The following KAZN variants were observed in gnomAD, a reference collection of about 807,000 sequenced individuals.
KAZN encodes the protein kazrin, periplakin interacting protein.
In KAZN, 40 loss-of-function variants were observed where a neutral mutation model predicts 87.4. That is an observed-to-expected ratio of 0.46 (90% CI 0.36 to 0.60). KAZN has a LOEUF of 0.60. KAZN is among the 20% of genes least tolerant of loss of function. The pLI is 0.00. For missense variants in KAZN, 898 were observed against 1,073.9 expected (o/e 0.84, Z 2.29); for synonymous variants, 466 against 458.3 (o/e 1.02, Z -0.22).
At chr1:14,733,503 T>G (rs117272201) in intron 1 of KAZN, among the ~76,000 whole-genome samples, 1,780 of 152,210 alleles carry the variant, frequency 0.012, 42 homozygotes, top group South Asian at 0.089. Flanking sequence ...TGCCGTAGGG[T>G]GGGACCTCCT....
intron 8 of KAZN, among the ~76,000 whole-genome samples, chr1:15,073,005 A>G (rs897653051): frequency 1.3e-5 from 2 of 152,182 alleles, no homozygotes. Flanking sequence ...TGTTCCATGG[A>G]ACCCCGAAGG....
chr1:14,935,164 T>C (rs1660304012), intron 1 of KAZN, among the ~76,000 whole-genome samples: 1 of 152,240 alleles, frequency 6.6e-6, no homozygotes, highest in Non-Finnish European at 1.5e-5. Flanking sequence ...CCTTGGGTTC[T>C]GGAGCAGTCA....
At chr1:14,186,775 T>C (rs547397404) in intron 2 of KAZN, among the ~76,000 whole-genome samples, 3 of 152,296 alleles carry the variant, frequency 2.0e-5, no homozygotes, top group African/African-American at 7.2e-5. Context: ...TTACTCTGCC[T>C]GCTGCATGCG....
intron 1 of KAZN, among the ~76,000 whole-genome samples, chr1:14,879,526 G>C (rs188243254): frequency 2.4e-4 from 37 of 152,264 alleles, no homozygotes; most frequent in African/African-American, 8.7e-4. Context: ...ACGGCCCTGG[G>C]TGATCTGTCA....
At chr1:14,727,033 G>C (rs549511450) in intron 1 of KAZN, among the ~76,000 whole-genome samples, 2 of 152,146 alleles carry the variant, frequency 1.3e-5, no homozygotes, top group Non-Finnish European at 2.9e-5. Context: ...TTTGACAAGT[G>C]CTCAGTGGAA....
At chr1:14,451,819 G>T (rs1396437485) in intron 2 of KAZN, among the ~76,000 whole-genome samples, 1 of 152,156 alleles carries the variant, frequency 6.6e-6, no homozygotes, top group East Asian at 1.9e-4. Context: ...GACCAGAGAA[G>T]GCTAATGTTC....
chr1:14,493,366 CT>C (rs1669781516), intron 2 of KAZN, among the ~76,000 whole-genome samples: 1 of 152,166 alleles, frequency 6.6e-6, no homozygotes, highest in Admixed American at 6.5e-5. Flanking sequence ...TACAGAATGA[CT>C]TGGACAAGGG....
At chr1:14,110,636 C>G (rs1431423803) in intron 1 of KAZN, among the ~76,000 whole-genome samples, 1 of 78,262 alleles carries the variant, frequency 1.3e-5, no homozygotes, top group Non-Finnish European at 2.6e-5. Flanking sequence ...AAACTTTTCT[C>G]CTTTGAAAAG....
upstream of KAZN, among the ~76,000 whole-genome samples, chr1:14,595,680 CAAAAAAA>C (rs34080804): frequency 4.1e-5 from 4 of 96,650 alleles, no homozygotes; most frequent in South Asian, 3.2e-4. Flanking sequence ...GACTGCGTCT[CAAAAAAA>C]AAAAAAAAAA....
chr1:14,092,251 C>T (rs1193748654), intron 1 of KAZN, among the ~76,000 whole-genome samples: 2 of 151,124 alleles, frequency 1.3e-5, no homozygotes, highest in East Asian at 3.9e-4. Context: ...CCACCACGCC[C>T]AGCTCATTTT....
At chr1:14,476,533 G>A (rs563539242) in intron 2 of KAZN, among the ~76,000 whole-genome samples, 2 of 152,142 alleles carry the variant, frequency 1.3e-5, no homozygotes, top group Admixed American at 6.5e-5. Context: ...TGAACTGCAT[G>A]CAGCCAAGAG....
chr1:14,349,182 TG>T (rs2100933594), intron 2 of KAZN: 1 of 152,292 alleles, frequency 6.6e-6, no homozygotes, highest in African/African-American at 2.4e-5. Flanking sequence ...ATAAGGATAC[TG>T]GAAAGGAGTC....
intron 2 of KAZN, among the ~76,000 whole-genome samples, chr1:14,239,455 CTTT>C (rs386366265): frequency 3.1e-5 from 3 of 95,700 alleles, no homozygotes; most frequent in East Asian, 3.4e-4. Flanking sequence ...AGTTGGGTTT[CTTT>C]TTTTTTTTTT....
At chr1:14,301,798 C>G (rs1286205276) in intron 2 of KAZN, among the ~76,000 whole-genome samples, 1 of 152,252 alleles carries the variant, frequency 6.6e-6, no homozygotes, top group Non-Finnish European at 1.5e-5. Flanking sequence ...CCTTTCCCTA[C>G]TGGCCCATTC....
intron 2 of KAZN, among the ~76,000 whole-genome samples, chr1:14,389,452 T>C (rs1662231660): frequency 6.6e-6 from 1 of 150,856 alleles, no homozygotes; most frequent in Admixed American, 6.6e-5. Flanking sequence ...GGAGGCAACC[T>C]ATATTCATCA....
chr1:14,745,552 G>A (rs1221687572), intron 1 of KAZN, among the ~76,000 whole-genome samples: 1 of 152,134 alleles, frequency 6.6e-6, no homozygotes, highest in Admixed American at 6.5e-5. Flanking sequence ...TCGCCATTGA[G>A]TGAGTGCTTG....
intron 2 of KAZN, among the ~76,000 whole-genome samples, chr1:14,542,774 C>T (rs1014689614): frequency 6.6e-6 from 1 of 152,172 alleles, no homozygotes; most frequent in African/African-American, 2.4e-5. Flanking sequence ...TTTGTCTTTA[C>T]CTCCTGCTCA....
chr1:14,487,075 G>T (rs1252300600), intron 2 of KAZN, among the ~76,000 whole-genome samples: 1 of 152,196 alleles, frequency 6.6e-6, no homozygotes. Flanking sequence ...CTACAGTGGT[G>T]AGTTCTTTCC....
At chr1:14,530,736 C>G (rs1174507899) in intron 2 of KAZN, among the ~76,000 whole-genome samples, 1 of 152,126 alleles carries the variant, frequency 6.6e-6, no homozygotes, top group Non-Finnish European at 1.5e-5. Context: ...CATCACCATG[C>G]TTCCTGTACA....
Sources: allele counts gnomAD v4.1 joint callset (sites outside exome capture counted in the v4.1 genomes callset), GRCh38; gene constraint gnomAD v4.1.1; transcripts MANE v1.5; gene names NCBI Gene and HGNC (gene_info 2026-07-23, HGNC 2026-07-21).